The following WWOX variants were observed in gnomAD, a reference collection of about 807,000 sequenced individuals.
The protein encoded by WWOX is WW domain containing oxidoreductase, also known as WW domain-containing oxidoreductase.
Under a neutral mutation model 46.2 loss-of-function variants are expected in WWOX, and 69 were observed. The observed-to-expected ratio is 1.49, with a 90% CI of 1.23 to 1.82. WWOX has a LOEUF of 1.82. Ranked by LOEUF, WWOX falls within the 40% of genes most tolerant of loss-of-function variation. WWOX has a pLI of 0.00. For missense variants in WWOX, 919 were observed against 542.6 expected, an observed-to-expected ratio of 1.69 and a Z score of -6.89; for synonymous variants, 359 against 202.6, an observed-to-expected ratio of 1.77 and a Z score of -6.56.
chr16:78,368,603 A>C (rs1185376571), intron 5 of WWOX, among the ~76,000 whole-genome samples: 1 of 152,174 alleles, frequency 6.6e-6, no homozygotes, highest in East Asian at 1.9e-4. Flanking sequence ...AGGCAGGGAG[A>C]GCTTGCACTG....
chr16:78,848,678 G>C (rs12447106), intron 8 of WWOX, among the ~76,000 whole-genome samples: 2 of 152,142 alleles, frequency 1.3e-5, no homozygotes, highest in Non-Finnish European at 2.9e-5. Context: ...CCCTGAAGCA[G>C]AAAGCAAAGC....
chr16:78,557,022 A>C (rs1052861356), intron 8 of WWOX, among the ~76,000 whole-genome samples: 1 of 152,106 alleles, frequency 6.6e-6, no homozygotes, highest in Admixed American at 6.5e-5. Flanking sequence ...CCAGCCGGCA[A>C]ACTTACTTTA....
At chr16:78,669,277 G>T (rs2047405363) in intron 8 of WWOX, among the ~76,000 whole-genome samples, 1 of 152,248 alleles carries the variant, frequency 6.6e-6, no homozygotes, top group Non-Finnish European at 1.5e-5. Context: ...TCCCATGGCA[G>T]TGCCTAAGCA....
chr16:78,831,312 C>A (rs2051816623), intron 8 of WWOX, among the ~76,000 whole-genome samples: 2 of 152,214 alleles, frequency 1.3e-5, no homozygotes, highest in Non-Finnish European at 2.9e-5. Flanking sequence ...GGATTGATAT[C>A]CCCTGAAGTA....
At chr16:78,794,500 A>G (rs987917140) in intron 8 of WWOX, among the ~76,000 whole-genome samples, 1 of 152,202 alleles carries the variant, frequency 6.6e-6, no homozygotes, top group East Asian at 1.9e-4. Context: ...CAAAATACCC[A>G]AACTCTCTGA....
At chr16:78,859,052 A>ATATATATATATATATATATATATATG (rs2052653160) in intron 8 of WWOX, among the ~76,000 whole-genome samples, 1 of 64,908 alleles carries the variant, frequency 1.5e-5, no homozygotes, top group African/African-American at 6.0e-5. Flanking sequence ...ATATATATGT[A>ATATATATATATATATATATATATATG]TATATATATA....
chr16:78,610,671 G>A (rs2045880067), intron 8 of WWOX, among the ~76,000 whole-genome samples: 1 of 152,046 alleles, frequency 6.6e-6, no homozygotes, highest in South Asian at 2.1e-4. Flanking sequence ...GTGGGTATGG[G>A]GTGCTAGTTT....
chr16:78,176,744 G>C (rs1338522147), intron 5 of WWOX, among the ~76,000 whole-genome samples: 1 of 152,204 alleles, frequency 6.6e-6, no homozygotes, highest in African/African-American at 2.4e-5. Context: ...GTAGCCAGGA[G>C]AGAATTAGTT....
At chr16:78,125,390 C>A (rs1304478921) in intron 4 of WWOX, among the ~76,000 whole-genome samples, 1 of 152,144 alleles carries the variant, frequency 6.6e-6, no homozygotes, top group Non-Finnish European at 1.5e-5. Flanking sequence ...ACAGCACACT[C>A]CTGAATGAGC....
At chr16:78,749,744 C>A (rs529670279) in intron 8 of WWOX, among the ~76,000 whole-genome samples, 30 of 152,276 alleles carry the variant, frequency 2.0e-4, no homozygotes, top group African/African-American at 6.7e-4. Context: ...TCCGTTAAAG[C>A]CGTATTGGAT....
intron 8 of WWOX, among the ~76,000 whole-genome samples, chr16:79,050,384 C>T (rs533909053): frequency 1.3e-5 from 2 of 152,190 alleles, no homozygotes; most frequent in African/African-American, 2.4e-5. Flanking sequence ...CAGGGCTAGA[C>T]CAGACATGAC....
chr16:79,065,167 C>G (rs887131886), intron 8 of WWOX, among the ~76,000 whole-genome samples: 2 of 152,154 alleles, frequency 1.3e-5, no homozygotes, highest in Admixed American at 6.5e-5. Flanking sequence ...ATAGAGTGAA[C>G]AAAGGCTTCG....
At chr16:78,404,558 A>T (rs1412634876) in intron 6 of WWOX, among the ~76,000 whole-genome samples, 1 of 152,122 alleles carries the variant, frequency 6.6e-6, no homozygotes, top group African/African-American at 2.4e-5. Context: ...AGTTCGCTAA[A>T]TTCTACTTTG....
intron 8 of WWOX, among the ~76,000 whole-genome samples, chr16:78,978,758 C>G (rs1409115076): frequency 1.3e-5 from 2 of 152,182 alleles, no homozygotes; most frequent in African/African-American, 4.8e-5. Context: ...TGAGAACTCT[C>G]TCACTGGGAC....
intron 8 of WWOX, among the ~76,000 whole-genome samples, chr16:78,944,388 A>G (rs1457637952): frequency 1.3e-5 from 2 of 152,196 alleles, no homozygotes; most frequent in Non-Finnish European, 2.9e-5. Context: ...GGTGCTCAAG[A>G]CACGTTTGTT....
chr16:78,952,358 T>G (rs1373602007), intron 8 of WWOX, among the ~76,000 whole-genome samples: 1 of 151,670 alleles, frequency 6.6e-6, no homozygotes, highest in Non-Finnish European at 1.5e-5. Flanking sequence ...GCTGCAGTTT[T>G]ACATTTTTGT....
At chr16:79,072,602 T>C (rs955906729) in intron 8 of WWOX, among the ~76,000 whole-genome samples, 23 of 152,226 alleles carry the variant, frequency 1.5e-4, no homozygotes, top group African/African-American at 5.3e-4. Context: ...TTACAAGATA[T>C]TCAGTATCAT....
intron 8 of WWOX, among the ~76,000 whole-genome samples, chr16:78,865,107 C>G (rs1300649744): frequency 6.6e-6 from 1 of 151,984 alleles, no homozygotes; most frequent in African/African-American, 2.4e-5. Context: ...ATGTTAAACA[C>G]CCTTATTAAC....
chr16:78,625,588 A>G (rs991417699), intron 8 of WWOX, among the ~76,000 whole-genome samples: 1 of 151,966 alleles, frequency 6.6e-6, no homozygotes, highest in African/African-American at 2.4e-5. Context: ...TATTTGGTAC[A>G]TTTATTAAGA....
Sources: gnomAD v4.1 joint callset for allele counts (sites outside exome capture counted in the v4.1 genomes callset) on GRCh38, gnomAD v4.1.1 for gene constraint, MANE v1.5 for transcripts, NCBI Gene and HGNC (gene_info 2026-07-23, HGNC 2026-07-21) for gene names.